The following ASAP2 variants were observed in gnomAD, a reference collection of about 807,000 sequenced individuals.
The protein encoded by ASAP2 is ArfGAP with SH3 domain, ankyrin repeat and PH domain 2.
A neutral mutation model predicts 131.4 loss-of-function variants in ASAP2; 45 were observed. That is an observed-to-expected ratio of 0.34 (90% CI 0.27 to 0.44). ASAP2 has a LOEUF of 0.44. ASAP2 is among the 20% of genes least tolerant of loss of function. The pLI is 1.00. For synonymous variants in ASAP2, 510 were observed against 503.0 expected (o/e 1.01, Z -0.19); for missense variants, 1,011 against 1,297.0 (o/e 0.78, Z 3.39).
At chr2:9,241,602 C>T (rs111286552) in intron 1 of ASAP2, among the ~76,000 whole-genome samples, 11 of 152,264 alleles carry the variant, frequency 7.2e-5, no homozygotes, top group South Asian at 2.1e-4. Flanking sequence ...GCGCCGTGAT[C>T]GCACCACTGC....
chr2:9,269,447 C>T lies in ASAP2; in HGVS notation c.127-9870C>T, dbSNP rs114424818. Among the ~76,000 whole-genome samples, 828 of 152,282 alleles carry T rather than the reference C, an allele frequency of 5.4e-3. 7 individuals are homozygous for T. The highest frequency in any genetic ancestry group is 0.019 in the African/African-American group (793 of 41,568). On this transcript the variant is annotated intron_variant, in intron 1 of 27. Coordinates refer to ENST00000281419, the MANE Select transcript of ASAP2 (RefSeq NM_003887.3). ...ATCTCCTCAGATAGTGGGCTTGGCC[C>T]GCACCATTCAGCCTGTGGTGACACA... is the stretch of plus-strand genomic sequence containing the variant.
intron 2 of ASAP2, among the ~76,000 whole-genome samples, chr2:9,296,333 C>G (rs776950097): frequency 6.6e-6 from 1 of 152,212 alleles, no homozygotes; most frequent in African/African-American, 2.4e-5. Flanking sequence ...TCCCCTCCCC[C>G]ATTCCTACCC....
In ASAP2 at chr2:9,292,274, C is replaced by T. The variant is rs577693763; in HGVS notation, c.200-5026C>T. On this transcript the variant is annotated intron_variant, in intron 2 of 27. Transcript: ENST00000281419. ...AGAGAAAGTAGGCTGGGCGTGGTGG[C>T]TTTGGGAGGCTGAGGAGGGTGGATC... Among the ~76,000 whole-genome samples the T allele has an allele frequency of 5.9e-5, 9 of 152,156 alleles. No homozygotes were observed. In the East Asian group the frequency reaches 1.7e-3, roughly 29 times the overall value.
chr2:9,382,902 G>A lies in ASAP2; in HGVS notation c.2016+2094G>A, dbSNP rs149673908. Among the ~76,000 whole-genome samples, 418 of 152,322 alleles carry A rather than the reference G, an allele frequency of 2.7e-3. 2 individuals carry two copies. The highest frequency in any genetic ancestry group is 9.7e-3 in the African/African-American group (402 of 41,576). ...AGACAGTGTGATTGCAGCAGAGAAA[G>A]AGTTTAATTATGGCAAGCTGGCTGA... On this transcript the variant is annotated intron_variant, in intron 20 of 27. Coordinates refer to ENST00000281419, the MANE Select transcript of ASAP2 (RefSeq NM_003887.3).
intron 15 of ASAP2, among the ~76,000 whole-genome samples, chr2:9,361,114 A>C (rs921041224): frequency 6.6e-6 from 1 of 152,184 alleles, no homozygotes; most frequent in Non-Finnish European, 1.5e-5. Flanking sequence ...TTCTTGTAGG[A>C]GTTTAAAGTT....
At chr2:9,350,919 C>T (rs377394039) in intron 12 of ASAP2, 24 bp downstream of exon 12, 8 of 1,567,130 alleles carry the variant, frequency 5.1e-6, no homozygotes, top group East Asian at 2.2e-5. Flanking sequence ...TGAGATGCCG[C>T]GCCATAGAGA....
chr2:9,319,760 T>G (rs1447008228), intron 4 of ASAP2, among the ~76,000 whole-genome samples: 3 of 152,174 alleles, frequency 2.0e-5, no homozygotes, highest in Non-Finnish European at 4.4e-5. Flanking sequence ...GCTCAGTAGT[T>G]TTTGAGGCAG....
intron 1 of ASAP2, among the ~76,000 whole-genome samples, chr2:9,248,260 A>C (rs1466000343): frequency 2.0e-5 from 3 of 152,254 alleles, no homozygotes; most frequent in African/African-American, 7.2e-5. Flanking sequence ...GCTCCCAACA[A>C]TACTGAGTAT....
chr2:9,378,918 C>T, intron 18 of ASAP2, 26 bp from the exon 19 acceptor site: 1 of 1,400,580 alleles, frequency 7.1e-7, no homozygotes, highest in Non-Finnish European at 9.4e-7. Context: ...ACACTATGCT[C>T]TCTCTCTGTT....
At chr2:9,236,533 TTGAAC>T (rs1663564685) in intron 1 of ASAP2, among the ~76,000 whole-genome samples, 2 of 152,220 alleles carry the variant, frequency 1.3e-5, no homozygotes, top group Admixed American at 1.3e-4. Flanking sequence ...TGTAAAGAGC[TTGAAC>T]TTAATTTAGT....
In ASAP2 at chr2:9,397,726, G is replaced by GGA. The variant is rs1156272192; in HGVS notation, c.2685-2296_2685-2295dup. ...ATTGGTTGGGAAAAAAAAATCAAAA[G>GGA]GATATATATATATATATATATATAT... is the stretch of plus-strand genomic sequence containing the variant. On this transcript the variant is annotated intron_variant, in intron 24 of 27. Coordinates refer to ENST00000281419, the MANE Select transcript of ASAP2 (RefSeq NM_003887.3). 3.6e-3 allele frequency among the ~76,000 whole-genome samples: 377 copies of GGA among 104,212 alleles called. 4 individuals are homozygous for GGA. Among genetic ancestry groups the GGA allele is most frequent in the African/African-American group, 0.011 (194 of 17,862 alleles). 68.4% of individuals were successfully genotyped at this position (104,212 alleles called of 152,430 possible).
chr2:9,279,246 C>A, intron 1 of ASAP2, 71 bp from the exon 2 acceptor site: 1 of 1,459,274 alleles, frequency 6.9e-7, no homozygotes, highest in Non-Finnish European at 9.6e-7. Context: ...GAGTGGCACT[C>A]AACGTGGTGC....
intron 24 of ASAP2, 59 bp downstream of exon 24, chr2:9,393,706 C>G (rs1675902163): frequency 1.4e-6 from 2 of 1,471,028 alleles, no homozygotes; most frequent in Non-Finnish European, 9.1e-7. Context: ...CTCACCTGCC[C>G]AGGGCTCTGC....
intron 1 of ASAP2, among the ~76,000 whole-genome samples, chr2:9,256,545 C>T (rs1225516592): frequency 6.6e-6 from 1 of 152,162 alleles, no homozygotes; most frequent in Non-Finnish European, 1.5e-5. Flanking sequence ...AAACAAATTT[C>T]TTACTATTCC....
At chr2:9,218,419 A>G (rs1199605856) in intron 1 of ASAP2, among the ~76,000 whole-genome samples, 2 of 152,208 alleles carry the variant, frequency 1.3e-5, no homozygotes, top group Non-Finnish European at 2.9e-5. Flanking sequence ...AAGGACTAGG[A>G]GCCACCCAGA....
chr2:9,292,957 G>A (rs1451562592), intron 2 of ASAP2, among the ~76,000 whole-genome samples: 1 of 152,144 alleles, frequency 6.6e-6, no homozygotes, highest in Non-Finnish European at 1.5e-5. Flanking sequence ...CTGTGCTGTG[G>A]GCCACACTGA....
At chr2:9,275,707 C>A (rs908791073) in intron 1 of ASAP2, among the ~76,000 whole-genome samples, 3 of 152,180 alleles carry the variant, frequency 2.0e-5, no homozygotes, top group Non-Finnish European at 4.4e-5. Flanking sequence ...GCACTTGAGC[C>A]CCTGCATTTT....
At chr2:9,358,727 G>A in intron 14 of ASAP2, 29 bp from the exon 15 acceptor site, 1 of 1,597,208 alleles carries the variant, frequency 6.3e-7, no homozygotes, top group Non-Finnish European at 8.5e-7. Flanking sequence ...TTTACTGGAA[G>A]CTCAAATCTG....
chr2:9,214,256 GA>G (rs1298251920), intron 1 of ASAP2, among the ~76,000 whole-genome samples: 2 of 151,816 alleles, frequency 1.3e-5, no homozygotes, highest in Non-Finnish European at 2.9e-5. Flanking sequence ...TATTTTGTTT[GA>G]GGTGGAGTCT....
Sources: gnomAD v4.1 joint callset for allele counts (sites outside exome capture counted in the v4.1 genomes callset) on GRCh38, gnomAD v4.1.1 for gene constraint, MANE v1.5 for transcripts, NCBI Gene and HGNC (gene_info 2026-07-23, HGNC 2026-07-21) for gene names.